Variants in THAP8 observed in about 807,000 individuals in gnomAD.
THAP8 encodes the protein THAP domain-containing protein 8.
In THAP8, 24 loss-of-function variants were observed where a neutral mutation model predicts 25.0. The ratio of observed to expected loss-of-function variants is 0.96; its 90% confidence interval spans 0.69 to 1.35. The LOEUF is 1.35. Among genes scored for constraint, THAP8 ranks in the 40% most tolerant of loss-of-function variants. The probability of loss-of-function intolerance (pLI) is 0.00; values close to 1 mark genes in which losing one functional copy is unlikely to be tolerated. For missense variants in THAP8, 399 were observed against 368.8 expected (o/e 1.08, Z -0.67); for synonymous variants, 169 against 157.6 (o/e 1.07, Z -0.54).
intron 3 of THAP8, among the ~76,000 whole-genome samples, chr19:36,038,325 G>A (rs1046402768): frequency 3.3e-5 from 5 of 151,682 alleles, no homozygotes; most frequent in East Asian, 3.9e-4. Flanking sequence ...GCAGTGGTGC[G>A]ATCTTGGCTC....
intron 3 of THAP8, among the ~76,000 whole-genome samples, chr19:36,037,251 CACACACACACACACACA>C (rs1969494068): frequency 1.3e-5 from 1 of 75,356 alleles, no homozygotes; most frequent in Non-Finnish European, 3.3e-5. Flanking sequence ...CCTACACACA[CACACACACACACACACA>C]CACACACACA....
chr19:36,038,021 T>C (rs1453878597), intron 3 of THAP8, among the ~76,000 whole-genome samples: 1 of 152,112 alleles, frequency 6.6e-6, no homozygotes, highest in East Asian at 1.9e-4. Context: ...CTCGGCTTAC[T>C]GCAACCTCCA....
chr19:36,043,423 A>G (rs1317079466), intron 1 of THAP8, among the ~76,000 whole-genome samples: 3 of 152,048 alleles, frequency 2.0e-5, no homozygotes, highest in African/African-American at 7.2e-5. Flanking sequence ...GAATTGTCCA[A>G]TGGGGATAGA....
Position 36,039,686 on chromosome 19 carries a change from T to G in THAP8, c.309A>C (p.Pro103=). 1 of 1,526,292 alleles carries G rather than the reference T, an allele frequency of 6.6e-7. No homozygotes were observed. Among genetic ancestry groups the G allele is most frequent in the Non-Finnish European group, 8.8e-7 (1 of 1,135,600 alleles). 94.5% of individuals were successfully genotyped at this position (1,526,292 alleles called of 1,614,324 possible). A position where few individuals can be genotyped will look rare whatever the true frequency, so the allele number is the denominator to read the frequency against. ...SQRRTRSTQK[P]VSPPPPLQKN... ...TCTGTAGGGGAGGCGGCGGCGAGAC[T>G]GGCTTCTGGGTGCTTCGGGTCCTCC... The change falls in exon 3 of 4, where the codon CCA becomes CCC. Residue 103 remains proline (P), a synonymous_variant. Coordinates refer to ENST00000292894, the MANE Select transcript of THAP8 (RefSeq NM_152658.3).
chr19:36,043,729 A>G (rs1263151364), intron 1 of THAP8, among the ~76,000 whole-genome samples: 1 of 152,048 alleles, frequency 6.6e-6, no homozygotes, highest in East Asian at 1.9e-4. Context: ...CTCTACGAAA[A>G]TTACAAAAAT....
At chr19:36,040,786 T>C (rs188232617) in intron 1 of THAP8, among the ~76,000 whole-genome samples, 6 of 152,204 alleles carry the variant, frequency 3.9e-5, no homozygotes, top group Admixed American at 2.6e-4. Flanking sequence ...CATCAACTTG[T>C]TGGAGCAGTT....
intron 1 of THAP8, among the ~76,000 whole-genome samples, chr19:36,046,425 G>A (rs1969883696): frequency 6.6e-6 from 1 of 152,208 alleles, no homozygotes; most frequent in African/African-American, 2.4e-5. Context: ...AAACTAAAGA[G>A]GCTACCAGTG....
At chr19:36,051,961 C>T (rs1309168149) in intron 1 of THAP8, among the ~76,000 whole-genome samples, 1 of 152,168 alleles carries the variant, frequency 6.6e-6, no homozygotes, top group Non-Finnish European at 1.5e-5. Flanking sequence ...ATTAGATTCT[C>T]ACAAGAGTGT....
At chr19:36,049,816 G>A (rs373432500) in intron 1 of THAP8, among the ~76,000 whole-genome samples, 25 of 152,266 alleles carry the variant, frequency 1.6e-4, no homozygotes, top group African/African-American at 5.8e-4. Flanking sequence ...ACTTTGGGAG[G>A]CCAAGGTGGG....
intron 1 of THAP8, among the ~76,000 whole-genome samples, chr19:36,046,860 C>T (rs927394979): frequency 4.6e-5 from 7 of 152,130 alleles, no homozygotes; most frequent in East Asian, 1.9e-4. Flanking sequence ...CTGGCTGGGG[C>T]GTGTGACTAC....
intron 1 of THAP8, among the ~76,000 whole-genome samples, chr19:36,046,902 G>C (rs575289895): frequency 1.6e-4 from 24 of 152,128 alleles, no homozygotes; most frequent in Admixed American, 4.6e-4. Flanking sequence ...AGTGTTGTGT[G>C]GGATCTCTGG....
Position 36,039,960 on chromosome 19 carries a change from C to T in THAP8, c.260G>A (p.Arg87Gln), listed in dbSNP as rs558187466. The T allele has an allele frequency of 6.8e-6, 11 of 1,612,970 alleles. No homozygotes were observed. The highest frequency in any genetic ancestry group is 6.7e-5 in the African/African-American group (5 of 75,010). Reference protein sequence around the residue: ...RPDAVPSIFSRGPPAKSQRRT... With the variant: ...RPDAVPSIFSQGPPAKSQRRT... The stretch of plus-strand genomic sequence containing the variant: ...AGCGCTCACCTTGGCAGGTGGTCCC[C>T]GGGAGAAGATGGAGGGCACTGCATC... Residue 87 changes from arginine to glutamine, a missense_variant, in exon 2 of 4, where the codon CGG becomes CAG. Transcript: ENST00000292894.
intron 2 of THAP8, 66 bp from the exon 3 acceptor site, chr19:36,039,784 GAGGGTCTGTTTCCA>G: frequency 6.7e-7 from 1 of 1,493,262 alleles, no homozygotes; most frequent in Admixed American, 2.5e-5. Flanking sequence ...GAAAGGGATG[GAGGGTCTGTTTCCA>G]AGGGGGACTT....
At chr19:36,049,157 G>C (rs2145455827) in intron 1 of THAP8, among the ~76,000 whole-genome samples, 1 of 152,156 alleles carries the variant, frequency 6.6e-6, no homozygotes, top group African/African-American at 2.4e-5. Flanking sequence ...GCTGGTCCGA[G>C]TGTTGTGGGT....
chr19:36,040,362 T>A (rs1465655414), intron 1 of THAP8, among the ~76,000 whole-genome samples: 2 of 152,188 alleles, frequency 1.3e-5, no homozygotes, highest in Non-Finnish European at 2.9e-5. Flanking sequence ...GTTTCGCACT[T>A]GTCACCCAGG....
intron 1 of THAP8, among the ~76,000 whole-genome samples, chr19:36,051,343 C>G (rs906594147): frequency 8.5e-5 from 13 of 152,120 alleles, no homozygotes; most frequent in Admixed American, 3.9e-4. Flanking sequence ...ACTTTGCAGG[C>G]CTGCTTTCTA....
At chr19:36,046,894 T>C (rs1056909338) in intron 1 of THAP8, among the ~76,000 whole-genome samples, 20 of 152,208 alleles carry the variant, frequency 1.3e-4, no homozygotes, top group African/African-American at 4.6e-4. Context: ...AATGCTTTAG[T>C]GTTGTGTGGG....
intron 1 of THAP8, among the ~76,000 whole-genome samples, chr19:36,042,432 G>C (rs1007547109): frequency 2.0e-5 from 3 of 152,130 alleles, no homozygotes; most frequent in Non-Finnish European, 4.4e-5. Flanking sequence ...AGGTGTTCAA[G>C]ACCAACCTGA....
In THAP8 at chr19:36,039,428, C is replaced by T. The variant is rs896248433; in HGVS notation, c.567G>A (p.Arg189=). The T allele has an allele frequency of 1.9e-6, 3 of 1,579,660 alleles. No individual in the cohort carries two copies. The highest frequency in any genetic ancestry group is 3.6e-5 in the Admixed American group (2 of 56,054). The change falls in exon 3 of 4, where the codon CGG becomes CGA. Residue 189 remains arginine (R), a synonymous_variant. Coordinates refer to ENST00000292894, the MANE Select transcript of THAP8 (RefSeq NM_152658.3). ...ALQRRVRRLQ[R]CQERHQAQLQ... is the part of the protein sequence containing the mutation. ...GCTGCGCCTGGTGCCGCTCCTGGCA[C>T]CGTTGCAGCCTCCGCACCCGGCGTT...
Sources: gnomAD v4.1 joint callset for allele counts (sites outside exome capture counted in the v4.1 genomes callset) on GRCh38, gnomAD v4.1.1 for gene constraint, MANE v1.5 for transcripts, NCBI Gene and HGNC (gene_info 2026-07-23, HGNC 2026-07-21) for gene names.